ZNF622: variants seen among roughly 807,000 people sequenced by gnomAD.
ZNF622 encodes the protein zinc finger protein 622, also known as cytoplasmic 60S subunit biogenesis factor ZNF622.
A neutral mutation model predicts 49.7 loss-of-function variants in ZNF622; 34 were observed. The observed-to-expected ratio is 0.68, with a 90% confidence interval of 0.52 to 0.91. The LOEUF (loss-of-function observed/expected upper bound fraction) is 0.91, where lower values mean the gene tolerates loss of function less well. Among genes scored for constraint, ZNF622 ranks in the 40% least tolerant of loss-of-function variants. ZNF622 has a pLI of 0.00. For missense variants in ZNF622, 569 were observed against 616.4 expected (o/e 0.92, Z 0.81); for synonymous variants, 209 against 228.7 (o/e 0.91, Z 0.78).
At chr5:16,452,347 A>G (rs1359042509) in intron 5 of ZNF622, among the ~76,000 whole-genome samples, 1 of 152,244 alleles carries the variant, frequency 6.6e-6, no homozygotes, top group East Asian at 1.9e-4. Flanking sequence ...TCCAGCAGAC[A>G]CATCAGAATA....
chr5:16,465,279 G>T lies in ZNF622; in HGVS notation c.387C>A (p.Asn129Lys). 1.2e-6 allele frequency: 2 copies of T among 1,614,232 alleles called. No homozygotes were observed. Among genetic ancestry groups the T allele is most frequent in the East Asian group, 4.5e-5 (2 of 44,886 alleles). The part of the protein sequence containing the change: ...GVDSVDKDAM[N>K]AAIQQAIKAQ... ...CCTTGATGGCCTGCTGGATGGCCGCGTTCATGGCATCCTTGTCCACACTGT... is the reference window on the plus strand; with the variant it reads ...CCTTGATGGCCTGCTGGATGGCCGCTTTCATGGCATCCTTGTCCACACTGT... Residue 129 changes from asparagine to lysine, a missense_variant, in exon 1 of 6, where the codon AAC becomes AAA. Coordinates refer to ENST00000308683, the MANE Select transcript of ZNF622 (RefSeq NM_033414.3). The surrounding 1 kb of genome is among the most constrained non-coding windows in gnomAD (Gnocchi z 6.2).
chr5:16,453,301 C>A, intron 4 of ZNF622, 145 bp from the exon 5 acceptor site: 1 of 796,480 alleles, frequency 1.3e-6, no homozygotes, highest in Non-Finnish European at 1.8e-6. Context: ...GTTCTATCTA[C>A]TAAAGACAGA....
In ZNF622 at chr5:16,460,804, T is replaced by TA. The variant is rs145535513; in HGVS notation, c.1050-2176dup. Reference sequence around the variant, plus strand: ...TCTAGGCACCAACAGAATAAAACTGTAAATGGAATGAAAAATACATCATCT... The same window carrying TA: ...TCTAGGCACCAACAGAATAAAACTGTAAAATGGAATGAAAAATACATCATCT... On this transcript the variant is annotated intron_variant, in intron 3 of 5. Coordinates refer to ENST00000308683, the MANE Select transcript of ZNF622 (RefSeq NM_033414.3). 3.7e-3 allele frequency among the ~76,000 whole-genome samples: 565 copies of TA among 152,306 alleles called. 7 individuals are homozygous for TA. Among genetic ancestry groups the TA allele is most frequent in the African/African-American group, 0.013 (526 of 41,566 alleles).
At chr5:16,457,374 T>C (rs1049836155) in intron 4 of ZNF622, among the ~76,000 whole-genome samples, 4 of 152,218 alleles carry the variant, frequency 2.6e-5, no homozygotes, top group Non-Finnish European at 5.9e-5. Context: ...AACATATTTC[T>C]GATGTTCTAT....
intron 4 of ZNF622, 110 bp from the exon 5 acceptor site, chr5:16,453,266 A>G (rs1737963455): frequency 9.0e-7 from 1 of 1,115,204 alleles, no homozygotes; most frequent in African/African-American, 1.6e-5. Flanking sequence ...CTAGATGGAA[A>G]ATCGATGTAC....
chr5:16,465,271 A>G lies in ZNF622; in HGVS notation c.395T>C (p.Ile132Thr). The G allele has an allele frequency of 1.2e-6, 2 of 1,614,176 alleles. No individual in the cohort carries two copies. The highest frequency in any genetic ancestry group is 1.7e-6 in the Non-Finnish European group (2 of 1,180,024). The change falls in exon 1 of 6, where the codon ATC becomes ACC. Residue 132 changes from isoleucine to threonine, a missense_variant. By Grantham distance (89) the Ile-to-Thr change is moderately conservative. Coordinates refer to ENST00000308683, the MANE Select transcript of ZNF622 (RefSeq NM_033414.3). This position sits in a 1 kb window ranked among gnomAD's most constrained non-coding sequence, Gnocchi z 6.2. ...SVDKDAMNAA[I>T]QQAIKAQPSM... ...CGGCTGGGCCTTGATGGCCTGCTGG[A>G]TGGCCGCGTTCATGGCATCCTTGTC...
Position 16,465,763 on chromosome 5 carries a change from G to A in ZNF622, c.-98C>T. On this transcript the variant is annotated 5_prime_UTR_variant, in exon 1 of 6. Transcript: ENST00000308683. This position sits in a 1 kb window ranked among gnomAD's most constrained non-coding sequence, Gnocchi z 6.2. ...GACCTTAACCCGCCTCAGCAGCCAG[G>A]AAGAGCCACTCGACACGCCGACTTC... 1 of 1,468,088 alleles carries A rather than the reference G, an allele frequency of 6.8e-7. No homozygotes were observed. The allele number at this position is 1,468,088 out of a possible 1,614,324, so 90.9% of individuals were successfully genotyped here. A position where few individuals can be genotyped will look rare whatever the true frequency, so the allele number is the denominator to read the frequency against.
chr5:16,461,837 G>A (rs1298215796), intron 3 of ZNF622, among the ~76,000 whole-genome samples: 4 of 152,284 alleles, frequency 2.6e-5, no homozygotes, highest in South Asian at 2.1e-4. Flanking sequence ...GGGGTCACGG[G>A]CCTACAGAAG....
chr5:16,452,646 A>G (rs34065822), intron 5 of ZNF622, among the ~76,000 whole-genome samples: 243 of 152,320 alleles, frequency 1.6e-3, no homozygotes, highest in African/African-American at 5.7e-3. Context: ...AGTACATCAC[A>G]TAAGTCACGT....
intron 3 of ZNF622, among the ~76,000 whole-genome samples, chr5:16,461,021 G>C (rs555791230): frequency 2.8e-4 from 43 of 152,196 alleles, no homozygotes; most frequent in African/African-American, 1.0e-3. Flanking sequence ...AAATAAAACA[G>C]GATAAAAAGG....
chr5:16,453,559 TTATATATATATA>T (rs58965299), intron 4 of ZNF622, among the ~76,000 whole-genome samples: 1,643 of 67,130 alleles, frequency 0.024, 31 homozygotes, highest in East Asian at 0.071. Flanking sequence ...TAAATAAAAA[TTATATATATATA>T]TATATATATA....
intron 4 of ZNF622, among the ~76,000 whole-genome samples, chr5:16,455,349 C>CAAAT (rs1738009646): frequency 6.6e-6 from 1 of 152,176 alleles, no homozygotes; most frequent in African/African-American, 2.4e-5. Flanking sequence ...TTTTAAGTCC[C>CAAAT]TATACCTGCC....
chr5:16,464,530 T>C (rs2126495921), intron 1 of ZNF622, among the ~76,000 whole-genome samples: 1 of 152,252 alleles, frequency 6.6e-6, no homozygotes, highest in African/African-American at 2.4e-5. Context: ...GCACTGTTAA[T>C]AGGATGTGGG....
At chr5:16,462,919 A>T (rs1430461513) in intron 3 of ZNF622, among the ~76,000 whole-genome samples, 189 bp downstream of exon 3, 1 of 152,242 alleles carries the variant, frequency 6.6e-6, no homozygotes, top group South Asian at 2.1e-4. Flanking sequence ...TCTTCTCTTC[A>T]CTAGATGTGT....
In ZNF622 at chr5:16,458,398, C is replaced by T. The variant is rs570024301; in HGVS notation, c.1162+119G>A. 4.2e-6 allele frequency: 3 copies of T among 718,422 alleles called. No homozygotes were observed. The South Asian group carries it at 5.7e-5, about 14-fold the overall frequency. 44.5% of individuals were successfully genotyped at this position (718,422 alleles called of 1,614,324 possible). On this transcript the variant is annotated intron_variant, in intron 4 of 5. Transcript: ENST00000308683. ...AGGGTTTACACCGTACATGAGAACC[C>T]AAACATATACTTTAAGCTTATGGTC...
In ZNF622 at chr5:16,463,782, T is replaced by G; in HGVS notation, c.626-40A>C. On this transcript the variant is annotated intron_variant, in intron 1 of 5. Transcript: ENST00000308683. The surrounding 1 kb of genome is among the most constrained non-coding windows in gnomAD (Gnocchi z 4.2). ...TTTGAAATATAAAGTTTAAGAAAAGTAGTAGCAAGCAAAGATATCACAAAA... is the reference window on the plus strand; with the variant it reads ...TTTGAAATATAAAGTTTAAGAAAAGGAGTAGCAAGCAAAGATATCACAAAA... 1 of 1,595,398 alleles carries G rather than the reference T, an allele frequency of 6.3e-7. No homozygotes were observed. The highest frequency in any genetic ancestry group is 8.5e-7 in the Non-Finnish European group (1 of 1,169,612).
At chr5:16,461,983 C>T (rs1251484834) in intron 3 of ZNF622, among the ~76,000 whole-genome samples, 1 of 152,180 alleles carries the variant, frequency 6.6e-6, no homozygotes, top group Non-Finnish European at 1.5e-5. Flanking sequence ...ACTCTGATTA[C>T]AACATCAGTC....
Position 16,458,620 on chromosome 5 carries a change from A to G in ZNF622, c.1059T>C (p.Tyr353=), listed in dbSNP as rs765189342. ...FADFYDFRSS[Y]PDHKEGEDPN... is the part of the protein sequence containing the mutation. ...GGTCCTCCCCTTCCTTGTGATCTGG[A>G]TAGCTACTCCTATAACAGAGAAATT... Residue 353 remains tyrosine, a synonymous_variant, in exon 4 of 6, where the codon TAT becomes TAC. Coordinates refer to ENST00000308683, the MANE Select transcript of ZNF622 (RefSeq NM_033414.3). The G allele has an allele frequency of 7.5e-6, 12 of 1,610,290 alleles. No individual in the cohort carries two copies. The South Asian group carries it at 1.2e-4, about 16-fold the overall frequency.
At chr5:16,464,958 C>CAA in intron 1 of ZNF622, 83 bp downstream of exon 1, 1 of 1,505,840 alleles carries the variant, frequency 6.6e-7, no homozygotes, top group Non-Finnish European at 8.9e-7. Context: ...AACACACACA[C>CAA]ACACCCATCT....
Sources: allele counts gnomAD v4.1 joint callset (sites outside exome capture counted in the v4.1 genomes callset), GRCh38; gene constraint gnomAD v4.1.1; non-coding constraint Gnocchi (gnomAD v3.1); transcripts MANE v1.5; gene names NCBI Gene and HGNC (gene_info 2026-07-23, HGNC 2026-07-21).